The following OGDH variants were observed in gnomAD, a reference collection of about 807,000 sequenced individuals.
OGDH encodes oxoglutarate dehydrogenase.
A neutral mutation model predicts 116.6 loss-of-function variants in OGDH; 38 were observed. The ratio of observed to expected loss-of-function variants is 0.33; its 90% CI spans 0.25 to 0.43. The LOEUF (loss-of-function observed/expected upper bound fraction) is 0.43. OGDH is among the 20% of genes least tolerant of loss of function. The pLI, the probability that OGDH is intolerant of heterozygous loss-of-function variation, is 1.00. For missense variants in OGDH, 825 were observed against 1,357.2 expected (o/e 0.61, Z 6.16); for synonymous variants, 488 against 533.3 (o/e 0.92, Z 1.17).
At chr7:44,658,041 T>A (rs1223124426) in intron 4 of OGDH, among the ~76,000 whole-genome samples, 1 of 152,242 alleles carries the variant, frequency 6.6e-6, no homozygotes, top group Non-Finnish European at 1.5e-5. Flanking sequence ...TTACTGTAGC[T>A]ACTAAACTTT....
intron 10 of OGDH, among the ~76,000 whole-genome samples, chr7:44,685,641 C>T (rs115110775): frequency 0.011 from 1,655 of 151,226 alleles, 30 homozygotes; most frequent in African/African-American, 0.038. Flanking sequence ...TCCTTTGAGA[C>T]GGGGTCTTGC....
chr7:44,707,689 C>T lies in OGDH; in HGVS notation c.2904C>T (p.Tyr968=), dbSNP rs546154454. ...EEHKNQGYYD[Y]VKPRLRTTIS... ...ACAAGAACCAAGGCTACTATGACTA[C>T]GTGAAGCCAAGACTTCGGACCACCA... Residue 968 remains tyrosine, a synonymous_variant, in exon 22 of 23, where the codon TAC becomes TAT. Coordinates refer to ENST00000222673, the MANE Select transcript of OGDH (RefSeq NM_002541.4). This position sits in a 1 kb window ranked among gnomAD's most constrained non-coding sequence, Gnocchi z 5.2. The T allele has an allele frequency of 9.4e-5, 152 of 1,614,220 alleles. No individual in the cohort carries two copies. The highest frequency in any genetic ancestry group is 4.7e-4 in the Admixed American group (28 of 60,034).
At chr7:44,657,286 A>T (rs1019487604) in intron 4 of OGDH, among the ~76,000 whole-genome samples, 3 of 152,196 alleles carry the variant, frequency 2.0e-5, no homozygotes, top group Admixed American at 2.0e-4. Flanking sequence ...CCTGGCAACC[A>T]CTATTTTGTT....
intron 13 of OGDH, 76 bp downstream of exon 13, chr7:44,696,203 A>G: frequency 8.3e-7 from 1 of 1,200,076 alleles, no homozygotes; most frequent in Non-Finnish European, 1.2e-6. Context: ...CCCAGAAAAA[A>G]TTCATGCTTT....
chr7:44,628,007 G>A (rs1040373543), intron 2 of OGDH, among the ~76,000 whole-genome samples: 11 of 152,124 alleles, frequency 7.2e-5, no homozygotes, highest in Non-Finnish European at 1.5e-4. Context: ...GTGTTTTATA[G>A]TGTTTCCAAG....
intron 18 of OGDH, among the ~76,000 whole-genome samples, chr7:44,699,418 C>T (rs1191880321): frequency 7.5e-6 from 1 of 133,196 alleles, no homozygotes; most frequent in East Asian, 2.3e-4. Context: ...GAGGGAGACT[C>T]CTGTCTCAAA....
chr7:44,666,587 T>G, intron 4 of OGDH, 149 bp from the exon 5 acceptor site: 2 of 400,218 alleles, frequency 5.0e-6, no homozygotes, highest in Non-Finnish European at 8.9e-6. Flanking sequence ...TATTACTTAT[T>G]TCACATATAT....
intron 1 of OGDH, among the ~76,000 whole-genome samples, chr7:44,612,534 C>G (rs567535866): frequency 1.3e-5 from 2 of 151,860 alleles, no homozygotes; most frequent in Non-Finnish European, 2.9e-5. Flanking sequence ...CAGGCATGCA[C>G]CACCACACCC....
intron 4 of OGDH, among the ~76,000 whole-genome samples, chr7:44,653,667 A>G (rs1786552834): frequency 1.3e-5 from 2 of 151,778 alleles, no homozygotes; most frequent in South Asian, 4.2e-4. Flanking sequence ...CTGAGACTAC[A>G]GGCATGCGCC....
At chr7:44,643,039 C>T (rs1045175840) in intron 2 of OGDH, among the ~76,000 whole-genome samples, 1 of 147,522 alleles carries the variant, frequency 6.8e-6, no homozygotes, top group African/African-American at 2.5e-5. Context: ...AGGAGGATTG[C>T]TTGAGGCTGG....
At chr7:44,677,526 GGCCGGCCTCCTAGTTGT>G (rs902817157) in intron 9 of OGDH, among the ~76,000 whole-genome samples, 103 of 152,216 alleles carry the variant, frequency 6.8e-4, no homozygotes, top group African/African-American at 2.5e-3. Context: ...AGCAGGGAGG[GGCCGGCCTCCTAGTTGT>G]GCCCTGGAAA....
chr7:44,708,158 C>T lies in OGDH; in HGVS notation c.*159C>T, dbSNP rs1434377111. 2.9e-6 allele frequency: 3 copies of T among 1,029,236 alleles called. No individual in the cohort carries two copies. Among genetic ancestry groups the T allele is most frequent in the African/African-American group, 1.6e-5 (1 of 62,340 alleles). The allele number at this position is 1,029,236 out of a possible 1,614,324, so 63.8% of individuals were successfully genotyped here. ...TCTCATAGGAGTTAGGCTGTCGTCC[C>T]CCTCCAGTGCTTGGCTGCCCCACAG... On this transcript the variant is annotated 3_prime_UTR_variant, in exon 23 of 23. Transcript: ENST00000222673.
chr7:44,607,077 C>T (rs563208989), intron 1 of OGDH, among the ~76,000 whole-genome samples: 9 of 152,324 alleles, frequency 5.9e-5, no homozygotes, highest in African/African-American at 1.4e-4. Flanking sequence ...CCTTCCCGAC[C>T]GGGACGCACT....
chr7:44,652,162 G>A (rs563577109), intron 4 of OGDH, among the ~76,000 whole-genome samples: 2 of 151,420 alleles, frequency 1.3e-5, no homozygotes, highest in Admixed American at 1.3e-4. Flanking sequence ...AGGCTGGAGT[G>A]CAATGGCACG....
intron 5 of OGDH, among the ~76,000 whole-genome samples, chr7:44,668,387 G>C (rs768192087): frequency 3.9e-5 from 6 of 152,114 alleles, no homozygotes; most frequent in Non-Finnish European, 7.3e-5. Context: ...AGTGAGCGAA[G>C]ATCGCGCCAC....
In OGDH at chr7:44,673,776, G is replaced by A. The variant is rs755162219; in HGVS notation, c.634-11G>A. 6 of 1,614,164 alleles carry A rather than the reference G, an allele frequency of 3.7e-6. No homozygotes were observed. The highest frequency in any genetic ancestry group is 5.1e-6 in the Non-Finnish European group (6 of 1,179,980). ...GAAATCCCCTTGACTGTGTGTTTCT[G>A]TATGGAATAGATGGCCTACTGCCAG... On this transcript the variant is annotated splice_polypyrimidine_tract_variant and intron_variant, in intron 5 of 22. Coordinates refer to ENST00000222673, the MANE Select transcript of OGDH (RefSeq NM_002541.4).
chr7:44,675,037 G>C (rs188054312), intron 7 of OGDH, 141 bp from the exon 8 acceptor site: 13 of 673,982 alleles, frequency 1.9e-5, no homozygotes, highest in African/African-American at 1.6e-4. Flanking sequence ...ATTAGCTCCA[G>C]TTTACAGCTA....
chr7:44,670,612 T>C (rs531747244), intron 5 of OGDH, among the ~76,000 whole-genome samples: 1 of 152,338 alleles, frequency 6.6e-6, no homozygotes, highest in Admixed American at 6.5e-5. Flanking sequence ...TGGACTGATG[T>C]TGACTCTGAA....
chr7:44,651,357 TAAGG>T (rs1279100732), intron 4 of OGDH, among the ~76,000 whole-genome samples: 1 of 152,156 alleles, frequency 6.6e-6, no homozygotes, highest in East Asian at 1.9e-4. Flanking sequence ...CCTGAAGTAA[TAAGG>T]AAAGATAATT....
Sources: allele counts gnomAD v4.1 joint callset (sites outside exome capture counted in the v4.1 genomes callset), GRCh38; gene constraint gnomAD v4.1.1; non-coding constraint Gnocchi (gnomAD v3.1); transcripts MANE v1.5; gene names NCBI Gene and HGNC (gene_info 2026-07-23, HGNC 2026-07-21).